Variants in ACAD9 observed in about 807,000 individuals in gnomAD.
The protein encoded by ACAD9 is acyl-CoA dehydrogenase family member 9, also known as complex I assembly factor ACAD9, mitochondrial.
ACAD9 carries 53 observed loss-of-function variants against 70.2 expected under a neutral mutation model. That is an observed-to-expected ratio of 0.75 (90% confidence interval 0.61 to 0.95). ACAD9 has a LOEUF of 0.95. Among genes scored for constraint, ACAD9 ranks in the 40% least tolerant of loss-of-function variants. ACAD9 has a pLI of 0.00. For synonymous variants in ACAD9, 313 were observed against 312.1 expected (o/e 1.00, Z -0.03); for missense variants, 777 against 802.8 (o/e 0.97, Z 0.39).
chr3:128,879,635 G>T lies in ACAD9; in HGVS notation c.-57G>T. ...CAGTAACGTCATCAGACGTGTGTGT[G>T]TCCCTGCGGCGCTAAGAAGGGGAGA... On this transcript the variant is annotated 5_prime_UTR_variant, in exon 1 of 18. Transcript: ENST00000308982. 1 of 1,558,460 alleles carries T rather than the reference G, an allele frequency of 6.4e-7. No homozygotes were observed. The highest frequency in any genetic ancestry group is 1.1e-5 in the South Asian group (1 of 89,902).
intron 3 of ACAD9, among the ~76,000 whole-genome samples, chr3:128,894,316 G>T (rs1349076419): frequency 6.6e-6 from 1 of 152,190 alleles, no homozygotes; most frequent in East Asian, 1.9e-4. Flanking sequence ...CTGTCCTGGA[G>T]TCCTCTGGAT....
In ACAD9 at chr3:128,910,815, T is replaced by A; in HGVS notation, c.1765+2T>A. ...TCAGCCTCTCTCAGCTGGACAAGTG[T>A]GAGTGGCATGTCTTGGGGGAGGGAA... On this transcript the variant is annotated splice_donor_variant, in intron 17 of 17. Coordinates refer to ENST00000308982, the MANE Select transcript of ACAD9 (RefSeq NM_014049.5). LOFTEE classifies it high-confidence loss of function. The A allele has an allele frequency of 5.0e-6, 8 of 1,614,166 alleles. No individual in the cohort carries two copies. Among genetic ancestry groups the A allele is most frequent in the Non-Finnish European group, 6.8e-6 (8 of 1,180,024 alleles).
intron 11 of ACAD9, among the ~76,000 whole-genome samples, chr3:128,905,247 C>T (rs997862261): frequency 5.9e-5 from 9 of 152,220 alleles, no homozygotes; most frequent in Admixed American, 2.0e-4. Flanking sequence ...TGGTGGCACA[C>T]GCCTATAGTC....
At chr3:128,901,012 T>C (rs1177698374) in intron 7 of ACAD9, among the ~76,000 whole-genome samples, 2 of 152,206 alleles carry the variant, frequency 1.3e-5, no homozygotes, top group East Asian at 3.9e-4. Context: ...TCCACCCCCT[T>C]GCCAACCTCC....
chr3:128,889,166 T>TA (rs567559276), intron 2 of ACAD9, among the ~76,000 whole-genome samples: 7,292 of 141,580 alleles, frequency 0.052, 217 homozygotes, highest in South Asian at 0.17. Context: ...TTGTTTTCCT[T>TA]AAAAAAAAAA....
rs1436555081 is a variant in ACAD9, at chr3:128,893,171, C to A, written c.245-384C>A. 2.0e-5 allele frequency among the ~76,000 whole-genome samples: 3 copies of A among 151,366 alleles called. No individual in the cohort carries two copies. The East Asian group carries it at 5.8e-4, about 29-fold the overall frequency. On this transcript the variant is annotated intron_variant, in intron 2 of 17. Coordinates refer to ENST00000308982, the MANE Select transcript of ACAD9 (RefSeq NM_014049.5). ...GACCAGCCTGGGTAACATAGCAAGA[C>A]CTCGTCTCTACTGAAAAAAAAAAAA...
intron 16 of ACAD9, 99 bp downstream of exon 16, chr3:128,910,248 G>T: frequency 1.3e-6 from 2 of 1,574,486 alleles, no homozygotes; most frequent in Non-Finnish European, 1.7e-6. Flanking sequence ...TCGGGTGTGG[G>T]GGAGGCTGTG....
At chr3:128,883,242 A>G (rs963527859) in intron 1 of ACAD9, among the ~76,000 whole-genome samples, 6 of 151,542 alleles carry the variant, frequency 4.0e-5, no homozygotes, top group South Asian at 2.1e-4. Flanking sequence ...GGCGTGTGCA[A>G]CCACGCCCAG....
Position 128,879,828 on chromosome 3 carries a change from GC to G in ACAD9, c.138del (p.Ile48SerfsTer54). The G allele has an allele frequency of 3.7e-6, 6 of 1,614,012 alleles. No homozygotes were observed. Among genetic ancestry groups the G allele is most frequent in the Non-Finnish European group, 4.2e-6 (5 of 1,180,014 alleles). On this transcript the variant is annotated frameshift_variant, in exon 1 of 18. Transcript: ENST00000308982. LOFTEE classifies it high-confidence loss of function. Reference sequence around the variant, plus strand: ...GCTTTCGCCAAAGAGCTTTTCCTAGGCAAAATCAAGAAGGTAACGCGAGCCC... The same window carrying G: ...GCTTTCGCCAAAGAGCTTTTCCTAGGAAAATCAAGAAGGTAACGCGAGCCC... ...VRAFAKELFL[G>X]KIKKKEVFPF...
intron 2 of ACAD9, among the ~76,000 whole-genome samples, chr3:128,888,343 C>G (rs1382402088): frequency 6.6e-6 from 1 of 152,136 alleles, no homozygotes; most frequent in African/African-American, 2.4e-5. Context: ...CTTTGGGAGG[C>G]CGACGTGGGT....
intron 11 of ACAD9, among the ~76,000 whole-genome samples, 178 bp from the exon 12 acceptor site, chr3:128,905,943 G>A (rs1439652784): frequency 6.6e-6 from 1 of 152,132 alleles, no homozygotes; most frequent in Non-Finnish European, 1.5e-5. Context: ...GGTGGGGTAG[G>A]GAACACAAGC....
intron 3 of ACAD9, among the ~76,000 whole-genome samples, chr3:128,895,009 T>G (rs1259218413): frequency 6.6e-6 from 1 of 151,680 alleles, no homozygotes. Context: ...CCTGAGTAGC[T>G]GGGACCACAG....
chr3:128,908,242 C>T lies in ACAD9; in HGVS notation c.1336C>T (p.Arg446Cys), dbSNP rs781520431. ...CCTGACGGGTCTGCAGCATGCCGGC[C>T]GCATCCTGACTACCAGGATCCAGTA... ...IALTGLQHAGRILTTRIHELK... is the reference protein window; with the variant it reads ...IALTGLQHAGCILTTRIHELK... The change falls in exon 13 of 18, where the codon CGC (arginine) becomes TGC (cysteine). Residue 446 changes from arginine (R) to cysteine (C), a missense_variant. Arg to Cys is a radical substitution (Grantham distance 180, BLOSUM62 -3). Coordinates refer to ENST00000308982, the MANE Select transcript of ACAD9 (RefSeq NM_014049.5). 11 of 1,614,056 alleles carry T rather than the reference C, an allele frequency of 6.8e-6. No individual in the cohort carries two copies. Among genetic ancestry groups the T allele is most frequent in the East Asian group, 4.5e-5 (2 of 44,892 alleles).
chr3:128,905,985 T>A, intron 11 of ACAD9, 136 bp from the exon 12 acceptor site: 1 of 1,205,398 alleles, frequency 8.3e-7, no homozygotes, highest in Non-Finnish European at 1.2e-6. Context: ...GCAAAGGACT[T>A]GACCACATCA....
Position 128,909,517 on chromosome 3 carries a change from C to T in ACAD9, c.1563+96C>T. On this transcript the variant is annotated intron_variant, in intron 15 of 17. Coordinates refer to ENST00000308982, the MANE Select transcript of ACAD9 (RefSeq NM_014049.5). ...TTGTCAAGCATCCTTTGGGACCAGG[C>T]CTAGAACAGAAATGTTGATCACCCT... is the stretch of plus-strand genomic sequence containing the variant. 3 of 1,310,656 alleles carry T rather than the reference C, an allele frequency of 2.3e-6. No individual in the cohort carries two copies. In the South Asian group the frequency reaches 3.6e-5, roughly 16 times the overall value. 81.2% of individuals were successfully genotyped at this position (1,310,656 alleles called of 1,614,324 possible).
In ACAD9 at chr3:128,912,689, T is replaced by C; in HGVS notation, c.*82T>C. On this transcript the variant is annotated 3_prime_UTR_variant, in exon 18 of 18. Transcript: ENST00000308982. ...TGACTGTTACTCTTTTTTCAGAAGG[T>C]GTTGGGATTATCACAGGTTAAGCCT... The C allele has an allele frequency of 7.9e-7, 1 of 1,263,350 alleles. No individual in the cohort carries two copies. The allele number at this position is 1,263,350 out of a possible 1,614,324, so 78.3% of individuals were successfully genotyped here. A position where few individuals can be genotyped will look rare whatever the true frequency, so the allele number is the denominator to read the frequency against.
chr3:128,895,191 T>G, intron 3 of ACAD9, 119 bp from the exon 4 acceptor site: 1 of 817,772 alleles, frequency 1.2e-6, no homozygotes, highest in Non-Finnish European at 2.0e-6. Context: ...TTGTGATTTT[T>G]TTTTTTAATA....
intron 2 of ACAD9, among the ~76,000 whole-genome samples, chr3:128,886,232 A>AGCC (rs1935241521): frequency 6.6e-6 from 1 of 150,668 alleles, no homozygotes; most frequent in African/African-American, 2.4e-5. Context: ...CCTCCCAAGT[A>AGCC]TCTGGGACTG....
At chr3:128,885,292 A>G (rs764010157) in intron 2 of ACAD9, among the ~76,000 whole-genome samples, 8 of 152,348 alleles carry the variant, frequency 5.3e-5, no homozygotes, top group Admixed American at 2.6e-4. Flanking sequence ...GTGATGGTGG[A>G]TGGACAGCAG....
Sources: allele counts gnomAD v4.1 joint callset (sites outside exome capture counted in the v4.1 genomes callset), GRCh38; gene constraint gnomAD v4.1.1; transcripts MANE v1.5; gene names NCBI Gene and HGNC (gene_info 2026-07-23, HGNC 2026-07-21).